Variants in NKAIN2 observed in about 807,000 individuals in gnomAD.
NKAIN2 encodes the protein sodium/potassium-transporting ATPase subunit beta-1-interacting protein 2.
A neutral mutation model predicts 32.6 loss-of-function variants in NKAIN2; 14 were observed. The observed-to-expected ratio is 0.43, with a 90% CI of 0.28 to 0.67. The LOEUF is 0.67. Ranked by LOEUF, NKAIN2 falls within the 30% of genes least tolerant of loss-of-function variation. The pLI, the probability that NKAIN2 is intolerant of heterozygous loss-of-function variation, is 0.17. For missense variants in NKAIN2, 198 were observed against 258.3 expected (o/e 0.77, Z 1.60); for synonymous variants, 80 against 87.2 (o/e 0.92, Z 0.46).
intron 1 of NKAIN2, among the ~76,000 whole-genome samples, chr6:124,181,162 A>G (rs957807192): frequency 6.6e-6 from 1 of 152,180 alleles, no homozygotes. Context: ...TGGGGCTTGC[A>G]TCCTCTGAAA....
intron 1 of NKAIN2, among the ~76,000 whole-genome samples, chr6:124,082,291 C>A (rs1784008162): frequency 6.6e-6 from 1 of 151,932 alleles, no homozygotes; most frequent in Non-Finnish European, 1.5e-5. Flanking sequence ...TTACTACGTC[C>A]TTTTTTATCC....
At chr6:124,385,955 AT>A (rs1360099000) in intron 3 of NKAIN2, among the ~76,000 whole-genome samples, 2 of 152,202 alleles carry the variant, frequency 1.3e-5, no homozygotes, top group African/African-American at 4.8e-5. Flanking sequence ...TAAGACACTT[AT>A]GTAAGCAATG....
intron 1 of NKAIN2, among the ~76,000 whole-genome samples, chr6:123,910,646 C>T (rs1262884033): frequency 2.6e-5 from 4 of 151,290 alleles, no homozygotes; most frequent in South Asian, 4.2e-4. Flanking sequence ...TGGGACTATA[C>T]AGGCACGCAC....
chr6:124,463,747 G>A (rs1387571545), intron 3 of NKAIN2, among the ~76,000 whole-genome samples: 2 of 151,980 alleles, frequency 1.3e-5, no homozygotes, highest in Non-Finnish European at 2.9e-5. Context: ...CCTGTACAGG[G>A]CTATTACTAA....
intron 1 of NKAIN2, among the ~76,000 whole-genome samples, chr6:124,216,540 C>A (rs185162992): frequency 6.6e-6 from 1 of 152,238 alleles, no homozygotes; most frequent in East Asian, 1.9e-4. Flanking sequence ...ATACAAGTGT[C>A]TTTTTGCTGT....
intron 1 of NKAIN2, among the ~76,000 whole-genome samples, chr6:124,016,380 G>T (rs942292039): frequency 5.9e-5 from 9 of 152,076 alleles, no homozygotes; most frequent in African/African-American, 1.4e-4. Flanking sequence ...AATGTTTGTT[G>T]TGCTTTCATT....
At chr6:124,438,424 T>A (rs930596164) in intron 3 of NKAIN2, among the ~76,000 whole-genome samples, 8 of 152,172 alleles carry the variant, frequency 5.3e-5, no homozygotes, top group Admixed American at 2.6e-4. Flanking sequence ...AATTATTCCT[T>A]TTGTGTTTTG....
At chr6:123,838,348 G>T (rs1321560256) in intron 1 of NKAIN2, among the ~76,000 whole-genome samples, 1 of 152,004 alleles carries the variant, frequency 6.6e-6, no homozygotes, top group East Asian at 1.9e-4. Context: ...TCTATATTTT[G>T]CTGCTTTTAT....
At chr6:124,577,010 T>C (rs981114241) in intron 3 of NKAIN2, among the ~76,000 whole-genome samples, 1 of 152,184 alleles carries the variant, frequency 6.6e-6, no homozygotes, top group African/African-American at 2.4e-5. Context: ...TTTTGAAACA[T>C]GGGTAAGGAA....
chr6:124,602,736 G>T (rs960837970), intron 3 of NKAIN2, among the ~76,000 whole-genome samples: 8 of 151,844 alleles, frequency 5.3e-5, no homozygotes, highest in African/African-American at 1.9e-4. Flanking sequence ...TTTTTCTAAT[G>T]TATGCATTTG....
At chr6:124,567,864 A>G (rs1780979611) in intron 3 of NKAIN2, among the ~76,000 whole-genome samples, 1 of 152,072 alleles carries the variant, frequency 6.6e-6, no homozygotes, top group Non-Finnish European at 1.5e-5. Flanking sequence ...AAAAACAATC[A>G]CAAGCTGGAT....
intron 3 of NKAIN2, among the ~76,000 whole-genome samples, chr6:124,360,767 G>A (rs73573054): frequency 1.2e-4 from 19 of 152,254 alleles, no homozygotes; most frequent in African/African-American, 4.1e-4. Context: ...TGAGATATTA[G>A]TGTTGAAACT....
intron 1 of NKAIN2, among the ~76,000 whole-genome samples, chr6:123,993,451 G>T (rs373508790): frequency 2.0e-5 from 3 of 152,146 alleles, no homozygotes; most frequent in South Asian, 2.1e-4. Flanking sequence ...ATGTTGAAAA[G>T]GACACTTTCT....
intron 2 of NKAIN2, among the ~76,000 whole-genome samples, chr6:124,303,648 G>T (rs949154837): frequency 6.6e-5 from 10 of 152,242 alleles, no homozygotes; most frequent in Non-Finnish European, 1.5e-4. Context: ...AACTCAACAA[G>T]GTGGGTTAGC....
chr6:124,011,335 C>T (rs796092277), intron 1 of NKAIN2, among the ~76,000 whole-genome samples: 5 of 151,778 alleles, frequency 3.3e-5, no homozygotes, highest in African/African-American at 1.2e-4. Flanking sequence ...ACCTGAGTAT[C>T]GTCATCCATT....
At chr6:124,391,819 A>T (rs1773155377) in intron 3 of NKAIN2, among the ~76,000 whole-genome samples, 1 of 152,112 alleles carries the variant, frequency 6.6e-6, no homozygotes, top group Non-Finnish European at 1.5e-5. Flanking sequence ...GAACTCTTCG[A>T]CTTCCCTGTC....
intron 4 of NKAIN2, among the ~76,000 whole-genome samples, chr6:124,665,682 A>G (rs1334735327): frequency 6.6e-6 from 1 of 152,158 alleles, no homozygotes; most frequent in Non-Finnish European, 1.5e-5. Context: ...TGATTCTTCT[A>G]TGTCCTAAAT....
At chr6:124,249,652 C>T (rs1297624987) in intron 1 of NKAIN2, among the ~76,000 whole-genome samples, 1 of 151,968 alleles carries the variant, frequency 6.6e-6, no homozygotes, top group Non-Finnish European at 1.5e-5. Flanking sequence ...ACAAGGAATC[C>T]AAACAGTACC....
chr6:124,375,957 G>A (rs916480824), intron 3 of NKAIN2, among the ~76,000 whole-genome samples: 1 of 151,998 alleles, frequency 6.6e-6, no homozygotes, highest in South Asian at 2.1e-4. Context: ...AATGTCTGAG[G>A]GTGCCTGCAC....
Sources: allele counts gnomAD v4.1 joint callset (sites outside exome capture counted in the v4.1 genomes callset), GRCh38; gene constraint gnomAD v4.1.1; transcripts MANE v1.5; gene names NCBI Gene and HGNC (gene_info 2026-07-23, HGNC 2026-07-21).